XPR1: variants seen among roughly 807,000 people sequenced by gnomAD.
XPR1 encodes the protein xenotropic and polytropic retrovirus receptor 1, also known as solute carrier family 53 member 1.
Under a neutral mutation model 87.5 loss-of-function variants are expected in XPR1, and 28 were observed. That is an observed-to-expected ratio of 0.32 (90% CI 0.24 to 0.44). XPR1 has a LOEUF of 0.44. XPR1 is among the 20% of genes least tolerant of loss of function. The pLI is 1.00. For synonymous variants in XPR1, 300 were observed against 306.1 expected (o/e 0.98, Z 0.21); for missense variants, 559 against 862.3 (o/e 0.65, Z 4.41).
intron 2 of XPR1, among the ~76,000 whole-genome samples, chr1:180,686,058 AG>A (rs1656762426): frequency 6.6e-6 from 1 of 151,732 alleles, no homozygotes; most frequent in African/African-American, 2.4e-5. Context: ...TTGCTTTTCT[AG>A]TTCTTTTAAT....
intron 2 of XPR1, among the ~76,000 whole-genome samples, chr1:180,775,306 G>T (rs535280213): frequency 2.2e-4 from 34 of 152,120 alleles, no homozygotes; most frequent in Admixed American, 1.9e-3. Context: ...AGTCAGGGCC[G>T]AGCACCATGG....
chr1:180,669,351 T>C (rs1656075044), intron 1 of XPR1, among the ~76,000 whole-genome samples: 1 of 152,098 alleles, frequency 6.6e-6, no homozygotes, highest in African/African-American at 2.4e-5. Flanking sequence ...TGGTCTGTCT[T>C]TAGTGTATAA....
intron 13 of XPR1, among the ~76,000 whole-genome samples, chr1:180,876,122 A>AG (rs559866000): frequency 5.3e-5 from 8 of 152,294 alleles, no homozygotes; most frequent in Non-Finnish European, 7.4e-5. Flanking sequence ...AAACTCTTCC[A>AG]GAAAAAAAAA....
intron 2 of XPR1, among the ~76,000 whole-genome samples, chr1:180,773,182 A>T (rs1395537227): frequency 1.3e-5 from 2 of 152,186 alleles, no homozygotes; most frequent in Non-Finnish European, 2.9e-5. Context: ...GCAGATGACT[A>T]GGGAGAAAAT....
intron 2 of XPR1, among the ~76,000 whole-genome samples, chr1:180,733,292 C>T (rs140322880): frequency 1.4e-3 from 207 of 152,282 alleles, no homozygotes; most frequent in African/African-American, 4.8e-3. Flanking sequence ...GGGAACCATG[C>T]CCTCCTCTAC....
chr1:180,695,408 T>TTTTGTGTG (rs1553237546), intron 2 of XPR1, among the ~76,000 whole-genome samples: 110 of 148,542 alleles, frequency 7.4e-4, no homozygotes, highest in African/African-American at 2.5e-3. Context: ...GTAGTCCCAT[T>TTTTGTGTG]TGTGTGTGTG....
chr1:180,884,148 C>G lies in XPR1; in HGVS notation c.*82C>G, dbSNP rs1000209227. On this transcript the variant is annotated 3_prime_UTR_variant, in exon 15 of 15. Transcript: ENST00000367590. ...GACCAACGCAACCTCTAGTACCTTT[C>G]CAGCCGAAAACAGGAGAAAACACAT... is the stretch of plus-strand genomic sequence containing the variant. 23 of 1,311,862 alleles carry G rather than the reference C, an allele frequency of 1.8e-5. No individual in the cohort carries two copies. Among genetic ancestry groups the G allele is most frequent in the African/African-American group, 8.9e-5 (6 of 67,414 alleles). 81.3% of individuals were successfully genotyped at this position (1,311,862 alleles called of 1,614,324 possible).
intron 1 of XPR1, among the ~76,000 whole-genome samples, chr1:180,669,057 C>G (rs935123148): frequency 6.6e-6 from 1 of 150,576 alleles, no homozygotes; most frequent in Non-Finnish European, 1.5e-5. Context: ...CCATTGCATT[C>G]CAGCCTGAGC....
intron 11 of XPR1, among the ~76,000 whole-genome samples, chr1:180,845,590 A>G (rs1394236737): frequency 2.6e-5 from 4 of 152,128 alleles, no homozygotes; most frequent in Non-Finnish European, 5.9e-5. Flanking sequence ...GCTTGGTCAT[A>G]TCTCACTGTA....
intron 2 of XPR1, among the ~76,000 whole-genome samples, chr1:180,687,197 A>G (rs1434230276): frequency 6.6e-6 from 1 of 152,158 alleles, no homozygotes; most frequent in East Asian, 1.9e-4. Flanking sequence ...TGTAACAAAG[A>G]TACTCTGAGA....
At chr1:180,717,843 A>C (rs1658050101) in intron 2 of XPR1, among the ~76,000 whole-genome samples, 1 of 152,208 alleles carries the variant, frequency 6.6e-6, no homozygotes, top group African/African-American at 2.4e-5. Context: ...ATTTTCTAGC[A>C]CACTACTATT....
chr1:180,702,144 T>C (rs2101970886), intron 2 of XPR1, among the ~76,000 whole-genome samples: 1 of 77,926 alleles, frequency 1.3e-5, no homozygotes, highest in Admixed American at 1.6e-4. Context: ...GTGTCTTTGT[T>C]CTCGTTGGTT....
intron 2 of XPR1, among the ~76,000 whole-genome samples, chr1:180,705,180 A>T (rs1657518102): frequency 6.6e-6 from 1 of 151,936 alleles, no homozygotes; most frequent in Non-Finnish European, 1.5e-5. Flanking sequence ...GGGGTGGGGG[A>T]TCTACCTGTA....
chr1:180,746,124 T>A (rs1647234531), intron 2 of XPR1, among the ~76,000 whole-genome samples: 1 of 152,178 alleles, frequency 6.6e-6, no homozygotes, highest in Non-Finnish European at 1.5e-5. Flanking sequence ...TAGCTTTAGG[T>A]GTACCAAGTG....
rs1311479401 is a variant in XPR1, at chr1:180,885,912, G to A, written c.*1846G>A. On this transcript the variant is annotated 3_prime_UTR_variant, in exon 15 of 15. Coordinates refer to ENST00000367590, the MANE Select transcript of XPR1 (RefSeq NM_004736.4). ...AACTGACAAATAGTTTCTTTTTAAA[G>A]TAGTTTCTTCCATCTTTATTCTGAC... 1 of 152,152 alleles carries A rather than the reference G, an allele frequency of 6.6e-6. No homozygotes were observed. Among genetic ancestry groups the A allele is most frequent in the Non-Finnish European group, 1.5e-5 (1 of 68,014 alleles). The allele number at this position is 152,152 out of a possible 1,614,324, so 9.4% of individuals were successfully genotyped here.
At chr1:180,677,401 C>T (rs1029001814) in intron 1 of XPR1, among the ~76,000 whole-genome samples, 4 of 152,044 alleles carry the variant, frequency 2.6e-5, no homozygotes, top group East Asian at 1.9e-4. Context: ...GCCAGTAAAT[C>T]GGGAGTGCTG....
intron 3 of XPR1, among the ~76,000 whole-genome samples, chr1:180,792,990 T>G (rs573300495): frequency 6.6e-6 from 1 of 152,316 alleles, no homozygotes; most frequent in South Asian, 2.1e-4. Context: ...TTGAAATAGC[T>G]AAGTGCTTTT....
chr1:180,693,359 A>T lies in XPR1; in HGVS notation c.121+10948A>T, dbSNP rs563811134. The stretch of plus-strand genomic sequence containing the variant: ...TGTGATCAGAGAGTAGTGGTTTTCC[A>T]GTATTAGGTATCATTGAATAAAGGA... On this transcript the variant is annotated intron_variant, in intron 2 of 14. Coordinates refer to ENST00000367590, the MANE Select transcript of XPR1 (RefSeq NM_004736.4). Among the ~76,000 whole-genome samples the T allele has an allele frequency of 4.6e-5, 7 of 152,224 alleles. No individual in the cohort carries two copies. The South Asian group carries it at 1.4e-3, about 32-fold the overall frequency.
chr1:180,878,723 A>C (rs1041079440), intron 13 of XPR1, among the ~76,000 whole-genome samples: 3 of 152,148 alleles, frequency 2.0e-5, no homozygotes, highest in African/African-American at 7.2e-5. Context: ...TCCCCTTGTC[A>C]GTTCTCTGTA....
Sources: allele counts gnomAD v4.1 joint callset (sites outside exome capture counted in the v4.1 genomes callset), GRCh38; gene constraint gnomAD v4.1.1; transcripts MANE v1.5; gene names NCBI Gene and HGNC (gene_info 2026-07-23, HGNC 2026-07-21).